LRP5: variants seen among roughly 807,000 people sequenced by gnomAD.
The protein encoded by LRP5 is LDL receptor related protein 5.
A neutral mutation model predicts 154.1 loss-of-function variants in LRP5; 62 were observed. That is an observed-to-expected ratio of 0.40 (90% CI 0.33 to 0.50). LRP5 has a LOEUF of 0.50. Ranked by LOEUF, LRP5 falls within the 20% of genes least tolerant of loss-of-function variation. The pLI is 0.55. For synonymous variants in LRP5, 966 were observed against 1,011.5 expected (o/e 0.96, Z 0.85); for missense variants, 1,915 against 2,336.7 (o/e 0.82, Z 3.72).
At chr11:68,441,367 C>T (rs144791514) in intron 21 of LRP5, among the ~76,000 whole-genome samples, 1,628 of 152,304 alleles carry the variant, frequency 0.011, 35 homozygotes, top group African/African-American at 0.037. Context: ...CGTGAGCCAC[C>T]GTGCCTGGCC....
In LRP5 at chr11:68,416,340, T is replaced by C. The variant is rs1304752648; in HGVS notation, c.2840T>C (p.Phe947Ser). The change falls in exon 13 of 23, where the codon TTC becomes TCC. Residue 947 changes from phenylalanine (F) to serine (S), a missense_variant. This residue lies in a region of LRP5 where 1,094 missense variants were observed against 1,210.1 expected (regional missense o/e 0.90). Transcript: ENST00000294304. ...TTGCCTCCTCTAGCGCCCACCACCT[T>C]CTTGCTGTTCAGCCAGAAATCTGCC... ...SSRNCSPPTT[F>S]LLFSQKSAIS... 1.9e-6 allele frequency: 3 copies of C among 1,614,074 alleles called. No individual in the cohort carries two copies. Among genetic ancestry groups the C allele is most frequent in the East Asian group, 2.2e-5 (1 of 44,882 alleles).
chr11:68,432,656 G>A (rs1448208704), intron 17 of LRP5, among the ~76,000 whole-genome samples: 2 of 152,192 alleles, frequency 1.3e-5, no homozygotes, highest in African/African-American at 4.8e-5. Context: ...GTGAGGCCTG[G>A]GCCGATTTCC....
In LRP5 at chr11:68,433,753, C is replaced by T. The variant is rs778930556; in HGVS notation, c.3915C>T (p.Cys1305=). Residue 1305 remains cysteine, a synonymous_variant, in exon 18 of 23, where the codon TGC becomes TGT. Coordinates refer to ENST00000294304, the MANE Select transcript of LRP5 (RefSeq NM_002335.4). ...TGTGCTCCGCCGCCCAGTTCCCCTG[C>T]GCGCGGGGTCAGTGTGTGGACCTGC... The part of the protein sequence containing the change: ...CPVCSAAQFP[C]ARGQCVDLRL... 10 of 1,612,572 alleles carry T rather than the reference C, an allele frequency of 6.2e-6. No homozygotes were observed. The highest frequency in any genetic ancestry group is 3.3e-5 in the Admixed American group (2 of 59,978).
intron 1 of LRP5, among the ~76,000 whole-genome samples, chr11:68,333,890 C>T (rs767560738): frequency 5.3e-5 from 8 of 152,160 alleles, no homozygotes; most frequent in Non-Finnish European, 1.0e-4. Flanking sequence ...CGGCAGTGCG[C>T]TCTCCTCCCT....
chr11:68,446,716 C>T (rs780387030), intron 22 of LRP5, among the ~76,000 whole-genome samples, 183 bp downstream of exon 22: 2 of 152,204 alleles, frequency 1.3e-5, no homozygotes, highest in Non-Finnish European at 2.9e-5. Context: ...ACAAGCTCAG[C>T]GGGCACTGCA....
chr11:68,357,687 A>T lies in LRP5; in HGVS notation c.526A>T (p.Ile176Phe). ...GACAGACTGGGGTGAGACGCCCCGG[A>T]TTGAGCGGGCAGGGATGGATGGCAG... ...YWTDWGETPR[I>F]ERAGMDGSTR... The change falls in exon 3 of 23, where the codon ATT becomes TTT. Residue 176 changes from isoleucine (I) to phenylalanine (F), a missense_variant. Transcript: ENST00000294304. 1 of 1,614,086 alleles carries T rather than the reference A, an allele frequency of 6.2e-7. No individual in the cohort carries two copies. Among genetic ancestry groups the T allele is most frequent in the Non-Finnish European group, 8.5e-7 (1 of 1,180,002 alleles).
rs1250105549 is a variant in LRP5, at chr11:68,346,364, G to A, written c.92-1483G>A. Among the ~76,000 whole-genome samples the A allele has an allele frequency of 2.6e-5, 4 of 152,356 alleles. No individual in the cohort carries two copies. The East Asian group carries it at 7.7e-4, about 29-fold the overall frequency. ...TCCCATCCTGTGGAGCATGTCTCCTGGGAATGGGAGGGGCCAGGATTTGAG... is the reference window on the plus strand; with the variant it reads ...TCCCATCCTGTGGAGCATGTCTCCTAGGAATGGGAGGGGCCAGGATTTGAG... On this transcript the variant is annotated intron_variant, in intron 1 of 22. Coordinates refer to ENST00000294304, the MANE Select transcript of LRP5 (RefSeq NM_002335.4).
chr11:68,392,618 G>A (rs1004150073), intron 7 of LRP5, among the ~76,000 whole-genome samples: 1 of 152,128 alleles, frequency 6.6e-6, no homozygotes, highest in Non-Finnish European at 1.5e-5. Context: ...ACTTTCTTCT[G>A]CCCTGAAGGA....
At chr11:68,383,126 C>T (rs993417107) in intron 5 of LRP5, among the ~76,000 whole-genome samples, 21 of 152,168 alleles carry the variant, frequency 1.4e-4, no homozygotes, top group African/African-American at 4.8e-4. Context: ...GATCCACCTG[C>T]CTCGGCCTCC....
chr11:68,405,159 A>G (rs1360609338), intron 8 of LRP5, among the ~76,000 whole-genome samples: 1 of 151,880 alleles, frequency 6.6e-6, no homozygotes, highest in Non-Finnish European at 1.5e-5. Context: ...TCTGTCTCAA[A>G]AAGAAAAAAA....
intron 1 of LRP5, among the ~76,000 whole-genome samples, chr11:68,338,870 T>TG (rs2098607198): frequency 7.5e-6 from 1 of 134,074 alleles, no homozygotes; most frequent in African/African-American, 2.8e-5. Context: ...TTGTTTAGTT[T>TG]TTTTTTTTTT....
the LRP5 span, among the ~76,000 whole-genome samples, chr11:68,302,688 A>C: frequency 6.6e-6 from 1 of 152,196 alleles, no homozygotes; most frequent in Non-Finnish European, 1.5e-5. Flanking sequence ...CTGGCAAGAA[A>C]GGACATGTGT....
chr11:68,354,768 C>T (rs2098621764), intron 2 of LRP5, among the ~76,000 whole-genome samples: 1 of 152,222 alleles, frequency 6.6e-6, no homozygotes, highest in Admixed American at 6.5e-5. Context: ...AACAGGCCAG[C>T]CTTTCGGGGC....
chr11:68,440,715 C>T (rs1056736678), intron 21 of LRP5, among the ~76,000 whole-genome samples: 3 of 152,168 alleles, frequency 2.0e-5, no homozygotes, highest in Non-Finnish European at 4.4e-5. Context: ...GGGGCTGGTT[C>T]CTCCTGCCCT....
At chr11:68,359,383 G>A (rs1337105366) in intron 3 of LRP5, among the ~76,000 whole-genome samples, 2 of 152,192 alleles carry the variant, frequency 1.3e-5, no homozygotes, top group Non-Finnish European at 2.9e-5. Flanking sequence ...AGACCAGCGG[G>A]TCTGGTTTGA....
chr11:68,305,373 T>A, the LRP5 span, among the ~76,000 whole-genome samples: 1 of 151,942 alleles, frequency 6.6e-6, no homozygotes, highest in African/African-American at 2.4e-5. Flanking sequence ...GCACCATGCT[T>A]GTACAGCCTG....
intron 2 of LRP5, 70 bp from the exon 3 acceptor site, chr11:68,357,580 T>G: frequency 7.2e-7 from 1 of 1,390,778 alleles, no homozygotes; most frequent in East Asian, 2.4e-5. Context: ...GTTTCATGTC[T>G]GCATCTATGC....
chr11:68,440,471 G>A (rs1298907151), intron 21 of LRP5, among the ~76,000 whole-genome samples: 2 of 152,212 alleles, frequency 1.3e-5, no homozygotes, highest in Admixed American at 1.3e-4. Flanking sequence ...ATAAACTGCC[G>A]CTGCCCTCCA....
chr11:68,439,646 A>G, intron 20 of LRP5, 131 bp from the exon 21 acceptor site: 3 of 1,000,730 alleles, frequency 3.0e-6, no homozygotes, highest in African/African-American at 1.6e-5. Flanking sequence ...AGCGGGGCAC[A>G]TTTCCAACAG....
Sources: allele counts gnomAD v4.1 joint callset (sites outside exome capture counted in the v4.1 genomes callset), GRCh38; gene constraint gnomAD v4.1.1; regional missense constraint gnomAD v4.1.1; transcripts MANE v1.5; gene names NCBI Gene and HGNC (gene_info 2026-07-23, HGNC 2026-07-21).